Variants in MYO16 observed in about 807,000 individuals in gnomAD.
MYO16 encodes the protein myosin XVI.
Under a neutral mutation model 205.3 loss-of-function variants are expected in MYO16, and 94 were observed. The observed-to-expected ratio is 0.46, with a 90% CI of 0.39 to 0.54. MYO16 has a LOEUF of 0.54. Among genes scored for constraint, MYO16 ranks in the 20% least tolerant of loss-of-function variants. MYO16 has a pLI of 0.00. For missense variants in MYO16, 2,315 were observed against 2,387.5 expected (o/e 0.97, Z 0.63); for synonymous variants, 988 against 954.0 (o/e 1.04, Z -0.66).
chr13:108,836,076 A>C (rs1426815162), intron 9 of MYO16, among the ~76,000 whole-genome samples: 1 of 152,136 alleles, frequency 6.6e-6, no homozygotes, highest in African/African-American at 2.4e-5. Context: ...ATCACAGGCC[A>C]GGAAGTCTGG....
intron 7 of MYO16, among the ~76,000 whole-genome samples, chr13:108,813,508 T>C (rs899822207): frequency 4.6e-5 from 7 of 152,122 alleles, no homozygotes; most frequent in Admixed American, 3.9e-4. Context: ...CACTGCTATA[T>C]TTTAACTTTT....
At chr13:108,732,519 G>A (rs1040705424) in intron 4 of MYO16, among the ~76,000 whole-genome samples, 1 of 152,152 alleles carries the variant, frequency 6.6e-6, no homozygotes, top group African/African-American at 2.4e-5. Context: ...AAAGCTATGT[G>A]GCAGGGTCTG....
intron 4 of MYO16, among the ~76,000 whole-genome samples, chr13:108,763,200 T>G (rs1254966557): frequency 6.6e-6 from 1 of 152,224 alleles, no homozygotes; most frequent in Non-Finnish European, 1.5e-5. Context: ...ACAAGGTGCC[T>G]GTCTTAAACA....
chr13:108,725,478 T>C (rs1884306168), intron 3 of MYO16, among the ~76,000 whole-genome samples: 1 of 152,194 alleles, frequency 6.6e-6, no homozygotes, highest in South Asian at 2.1e-4. Flanking sequence ...TTTGAAATTT[T>C]TTAGTTGGGA....
rs374667615 is a variant in MYO16, at chr13:108,615,563, A to T, written c.-39+19324A>T. Among the ~76,000 whole-genome samples the T allele has an allele frequency of 3.4e-4, 52 of 152,262 alleles. No individual in the cohort carries two copies. The South Asian group carries it at 8.7e-3, about 25-fold the overall frequency. On this transcript the variant is annotated intron_variant, in intron 1 of 24. Coordinates refer to the MYO16 transcript ENST00000251041. ...CTAGAAACAACCTAAGTGTCCATCT[A>T]CTGAAAGAAACAAACAAAATGTGGT... is the stretch of plus-strand genomic sequence containing the variant.
At chr13:109,016,060 G>A (rs766045772) in intron 22 of MYO16, among the ~76,000 whole-genome samples, 30 of 152,118 alleles carry the variant, frequency 2.0e-4, no homozygotes, top group Non-Finnish European at 3.5e-4. Context: ...ATGTTAGGAT[G>A]TCGATTTTTG....
chr13:109,183,542 C>G (rs144061051), intron 34 of MYO16, among the ~76,000 whole-genome samples: 2 of 152,200 alleles, frequency 1.3e-5, no homozygotes, highest in African/African-American at 2.4e-5. Context: ...CATAGGCTAT[C>G]TCTATTTATG....
rs189931782 is a variant in MYO16, at chr13:108,614,316, G to T, written c.-39+18077G>T. Among the ~76,000 whole-genome samples the T allele has an allele frequency of 2.9e-3, 440 of 152,144 alleles. 1 individual carries two copies. Among genetic ancestry groups the T allele is most frequent in the South Asian group, 4.1e-3 (20 of 4,832 alleles). On this transcript the variant is annotated intron_variant, in intron 1 of 24. Coordinates refer to the MYO16 transcript ENST00000251041. ...TTAAAACTATGAACTATTGTTGAGAGAAATTAAAGAAGCCCTCAAAGGGAA... is the reference window on the plus strand; with the variant it reads ...TTAAAACTATGAACTATTGTTGAGATAAATTAAAGAAGCCCTCAAAGGGAA...
chr13:109,201,283 G>A (rs2139971061), intron 34 of MYO16, among the ~76,000 whole-genome samples: 1 of 152,054 alleles, frequency 6.6e-6, no homozygotes, highest in South Asian at 2.1e-4. Flanking sequence ...TTCTAATACT[G>A]CTAGAACCTT....
At chr13:109,105,642 G>A (rs1427774791) in intron 28 of MYO16, among the ~76,000 whole-genome samples, 2 of 152,066 alleles carry the variant, frequency 1.3e-5, no homozygotes, top group African/African-American at 4.8e-5. Flanking sequence ...TGTAATTTTA[G>A]CATAGAATAC....
chr13:108,659,854 TA>T lies in MYO16; in HGVS notation c.29-6029del, dbSNP rs536518220. Among the ~76,000 whole-genome samples, 28 of 152,306 alleles carry T rather than the reference TA, an allele frequency of 1.8e-4. No homozygotes were observed. The South Asian group carries it at 5.6e-3, about 30-fold the overall frequency. On this transcript the variant is annotated intron_variant, in intron 1 of 34. Coordinates refer to ENST00000457511, the MANE Select transcript of MYO16 (RefSeq NM_001198950.3). ...AAGTTCCTGCCTTTATGGGGCTTACTAAAGCAATAAGAAAATATATAGAATT... is the reference window on the plus strand; with the variant it reads ...AAGTTCCTGCCTTTATGGGGCTTACTAAGCAATAAGAAAATATATAGAATT...
At chr13:108,875,604 A>G (rs1879286642) in intron 12 of MYO16, among the ~76,000 whole-genome samples, 1 of 152,162 alleles carries the variant, frequency 6.6e-6, no homozygotes, top group Admixed American at 6.5e-5. Flanking sequence ...CTTTCTTTAG[A>G]CACTCAAGGC....
At chr13:108,533,918 C>T in the MYO16 span, among the ~76,000 whole-genome samples, 1 of 152,038 alleles carries the variant, frequency 6.6e-6, no homozygotes, top group East Asian at 1.9e-4. Flanking sequence ...GAACATTTTT[C>T]CTTACTGGAA....
intron 1 of MYO16, among the ~76,000 whole-genome samples, chr13:108,649,353 A>G (rs927719116): frequency 3.3e-5 from 5 of 152,224 alleles, no homozygotes; most frequent in African/African-American, 1.2e-4. Flanking sequence ...GGCTCAGCCC[A>G]GTTCAGATTT....
chr13:109,180,081 G>C (rs55786400), intron 34 of MYO16, among the ~76,000 whole-genome samples: 84 of 152,164 alleles, frequency 5.5e-4, no homozygotes, highest in African/African-American at 2.0e-3. Flanking sequence ...TCATTTCCAT[G>C]TAATTCACAT....
At chr13:108,727,709 A>G (rs1884389957) in intron 4 of MYO16, 126 bp downstream of exon 4, 1 of 1,049,446 alleles carries the variant, frequency 9.5e-7, no homozygotes, top group Non-Finnish European at 1.4e-6. Flanking sequence ...GTTATCATGT[A>G]TCTCCCTAGA....
chr13:108,798,685 C>CTTTT (rs1163799788), intron 6 of MYO16, among the ~76,000 whole-genome samples: 20 of 105,210 alleles, frequency 1.9e-4, no homozygotes, highest in African/African-American at 5.4e-4. Context: ...GGCCCCGAGG[C>CTTTT]TTATTTTTTT....
At chr13:108,758,085 G>A (rs1005653311) in intron 4 of MYO16, among the ~76,000 whole-genome samples, 11 of 152,124 alleles carry the variant, frequency 7.2e-5, no homozygotes, top group Admixed American at 1.3e-4. Flanking sequence ...TCTGCCATGC[G>A]AAGATGCAGC....
chr13:109,031,911 T>A (rs987847487), intron 23 of MYO16, among the ~76,000 whole-genome samples: 1 of 152,094 alleles, frequency 6.6e-6, no homozygotes, highest in Non-Finnish European at 1.5e-5. Context: ...GAAAGTGAAG[T>A]CTCCTCATGC....
Sources: allele counts gnomAD v4.1 joint callset (sites outside exome capture counted in the v4.1 genomes callset), GRCh38; gene constraint gnomAD v4.1.1; transcripts MANE v1.5; gene names NCBI Gene and HGNC (gene_info 2026-07-23, HGNC 2026-07-21).